ZC3H12C: variants seen among roughly 807,000 people sequenced by gnomAD.
The protein encoded by ZC3H12C is probable ribonuclease ZC3H12C.
Under a neutral mutation model 76.3 loss-of-function variants are expected in ZC3H12C, and 20 were observed. The observed-to-expected ratio is 0.26, with a 90% CI of 0.18 to 0.38. The LOEUF (loss-of-function observed/expected upper bound fraction) is 0.38. Among genes scored for constraint, ZC3H12C ranks in the 10% least tolerant of loss-of-function variants. The pLI is 1.00. For synonymous variants in ZC3H12C, 352 were observed against 399.6 expected (o/e 0.88, Z 1.42); for missense variants, 874 against 1,086.5 (o/e 0.80, Z 2.75).
intron 1 of ZC3H12C, among the ~76,000 whole-genome samples, chr11:110,116,158 C>G (rs956855482): frequency 7.2e-5 from 11 of 152,164 alleles, no homozygotes; most frequent in African/African-American, 2.7e-4. Context: ...TGCCTTCACT[C>G]CTGCCCACCA....
chr11:110,135,348 A>G (rs1158291831), intron 1 of ZC3H12C, among the ~76,000 whole-genome samples: 1 of 151,874 alleles, frequency 6.6e-6, no homozygotes, highest in African/African-American at 2.4e-5. Flanking sequence ...AAATTAGCCG[A>G]GCATGGTGGC....
intron 1 of ZC3H12C, among the ~76,000 whole-genome samples, chr11:110,123,382 C>A (rs542056797): frequency 2.6e-5 from 4 of 152,130 alleles, no homozygotes; most frequent in Non-Finnish European, 5.9e-5. Context: ...GGAAACTAAT[C>A]CCTGGAAAAT....
intron 2 of ZC3H12C, among the ~76,000 whole-genome samples, chr11:110,143,601 G>T (rs1183622279): frequency 6.6e-6 from 1 of 151,806 alleles, no homozygotes; most frequent in African/African-American, 2.4e-5. Context: ...AAACTGGAAG[G>T]ATTTTGATAC....
chr11:110,163,888 C>T (rs1196278672), intron 5 of ZC3H12C, among the ~76,000 whole-genome samples: 1 of 152,064 alleles, frequency 6.6e-6, no homozygotes, highest in Non-Finnish European at 1.5e-5. Flanking sequence ...CACATGAGGC[C>T]AGGAGTTGAG....
intron 2 of ZC3H12C, among the ~76,000 whole-genome samples, chr11:110,140,327 T>C (rs142402356): frequency 6.6e-6 from 1 of 152,214 alleles, no homozygotes; most frequent in African/African-American, 2.4e-5. Flanking sequence ...CTATCCAGAG[T>C]GGGAATGTGA....
Position 110,136,659 on chromosome 11 carries a change from C to A in ZC3H12C, c.22-4C>A. 6.2e-7 allele frequency: 1 copy of A among 1,600,650 alleles called. No homozygotes were observed. Among genetic ancestry groups the A allele is most frequent in the Admixed American group, 1.8e-5 (1 of 56,786 alleles). ...AATTCTAAATATTTTACATTTTTCT[C>A]TAGGAATACGGGGTGCTTTGCATTC... On this transcript the variant is annotated splice_region_variant and splice_polypyrimidine_tract_variant and intron_variant, in intron 1 of 5. Transcript: ENST00000278590.
chr11:110,131,492 T>G (rs1330120297), intron 1 of ZC3H12C: 1 of 204,900 alleles, frequency 4.9e-6, no homozygotes, highest in African/African-American at 2.4e-5. Flanking sequence ...TGCTATAAAA[T>G]GATAAGATTT....
At position 110,164,645 on chromosome 11, in the gene ZC3H12C, C is replaced by T. The variant is rs777421201; in HGVS notation, c.1560C>T (p.Ser520=). The T allele has an allele frequency of 6.2e-7, 1 of 1,613,990 alleles. No homozygotes were observed. Among genetic ancestry groups the T allele is most frequent in the African/African-American group, 1.3e-5 (1 of 75,046 alleles). The change falls in exon 6 of 6, where the codon TCC becomes TCT. Residue 520 remains serine, a synonymous_variant. Coordinates refer to ENST00000278590, the MANE Select transcript of ZC3H12C (RefSeq NM_033390.2). This position sits in a 1 kb window ranked among gnomAD's most constrained non-coding sequence, Gnocchi z 5.7. ...KNKLETRSVP[S]LVSIPATSTA... is the part of the protein sequence containing the mutation. ...AATTGGAAACCAGGTCTGTACCTTC[C>T]TTAGTTAGCATCCCAGCTACTTCTA...
At chr11:110,155,253 C>T (rs1862354834) in intron 3 of ZC3H12C, among the ~76,000 whole-genome samples, 1 of 150,632 alleles carries the variant, frequency 6.6e-6, no homozygotes, top group Non-Finnish European at 1.5e-5. Context: ...GAGCCGAGAT[C>T]ATGCCACTGC....
intron 2 of ZC3H12C, among the ~76,000 whole-genome samples, chr11:110,139,495 T>G (rs1011922308): frequency 5.3e-5 from 8 of 152,200 alleles, no homozygotes; most frequent in African/African-American, 1.9e-4. Context: ...AAACAACCCT[T>G]TCTAATGGAG....
chr11:110,095,087 G>C (rs949955973), intron 1 of ZC3H12C, among the ~76,000 whole-genome samples: 7 of 152,130 alleles, frequency 4.6e-5, no homozygotes, highest in Non-Finnish European at 1.0e-4. Context: ...TAAAGGATAG[G>C]AAACAGAAAC....
At chr11:110,129,739 ATAG>A (rs1861825177) in intron 1 of ZC3H12C, among the ~76,000 whole-genome samples, 1 of 152,206 alleles carries the variant, frequency 6.6e-6, no homozygotes, top group Non-Finnish European at 1.5e-5. Context: ...ACGTAAGTAA[ATAG>A]TAGAACAGCT....
intron 1 of ZC3H12C, among the ~76,000 whole-genome samples, chr11:110,109,951 G>C (rs1277375141): frequency 6.6e-6 from 1 of 151,994 alleles, no homozygotes; most frequent in Non-Finnish European, 1.5e-5. Context: ...TATTTTCCAG[G>C]TTTGAGTTTT....
chr11:110,114,956 T>C (rs1861498099), intron 1 of ZC3H12C, among the ~76,000 whole-genome samples: 1 of 152,224 alleles, frequency 6.6e-6, no homozygotes, highest in South Asian at 2.1e-4. Context: ...GGCTAGAAAT[T>C]TAAATGTTAA....
At chr11:110,160,192 T>C (rs550882338) in intron 4 of ZC3H12C, among the ~76,000 whole-genome samples, 1 of 152,384 alleles carries the variant, frequency 6.6e-6, no homozygotes, top group Admixed American at 6.5e-5. Context: ...GAATGGGGCT[T>C]GCAGGACGGG....
chr11:110,159,202 T>C, intron 3 of ZC3H12C, 54 bp from the exon 4 acceptor site: 2 of 1,374,340 alleles, frequency 1.5e-6, no homozygotes, highest in African/African-American at 1.4e-5. Context: ...AAAGTTGCCA[T>C]GTGTGTTATC....
intron 2 of ZC3H12C, among the ~76,000 whole-genome samples, chr11:110,145,529 T>C (rs1862148693): frequency 6.6e-6 from 1 of 151,628 alleles, no homozygotes; most frequent in Admixed American, 6.6e-5. Flanking sequence ...GTAGTCCTTT[T>C]CAGAGCTTGG....
intron 1 of ZC3H12C, among the ~76,000 whole-genome samples, chr11:110,094,374 T>C (rs75769080): frequency 0.02 from 3,033 of 152,288 alleles, 42 homozygotes; most frequent in African/African-American, 0.044. Flanking sequence ...GCAGAGATAA[T>C]TGGAGCTAAG....
chr11:110,136,580 G>T, intron 1 of ZC3H12C, 83 bp from the exon 2 acceptor site: 1 of 1,437,664 alleles, frequency 7.0e-7, no homozygotes, highest in South Asian at 1.4e-5. Flanking sequence ...TTGAGTAGTT[G>T]AGTAATTCTC....
Sources: allele counts gnomAD v4.1 joint callset (sites outside exome capture counted in the v4.1 genomes callset), GRCh38; gene constraint gnomAD v4.1.1; non-coding constraint Gnocchi (gnomAD v3.1); transcripts MANE v1.5; gene names NCBI Gene and HGNC (gene_info 2026-07-23, HGNC 2026-07-21).